The following MIR2052HG variants were observed in gnomAD, a reference collection of about 807,000 sequenced individuals.
The protein encoded by MIR2052HG is MIR2052 host gene.
intron 2 of MIR2052HG, among the ~76,000 whole-genome samples, chr8:74,622,611 TA>T (rs1808378050): frequency 6.7e-6 from 1 of 148,590 alleles, no homozygotes; most frequent in African/African-American, 2.5e-5. Flanking sequence ...CTCAAAAAAT[TA>T]GAAAAAAAAT....
At chr8:74,748,859 A>G (rs1809914168) in intron 4 of MIR2052HG, among the ~76,000 whole-genome samples, 1 of 152,162 alleles carries the variant, frequency 6.6e-6, no homozygotes, top group South Asian at 2.1e-4. Flanking sequence ...AAGGCCAGAT[A>G]TTGATGTTTC....
chr8:74,709,777 G>A (rs1285706540), intron 4 of MIR2052HG, among the ~76,000 whole-genome samples: 1 of 152,102 alleles, frequency 6.6e-6, no homozygotes, highest in African/African-American at 2.4e-5. Flanking sequence ...CTGAGTTCTG[G>A]CAATAAGACA....
chr8:74,653,541 A>T (rs1309373006), intron 2 of MIR2052HG, among the ~76,000 whole-genome samples: 1 of 152,216 alleles, frequency 6.6e-6, no homozygotes, highest in East Asian at 1.9e-4. Flanking sequence ...ATGTAAATAA[A>T]AGTTCTAACT....
intron 2 of MIR2052HG, among the ~76,000 whole-genome samples, chr8:74,697,271 C>G (rs1809308251): frequency 6.6e-6 from 1 of 152,140 alleles, no homozygotes; most frequent in African/African-American, 2.4e-5. Flanking sequence ...TTGACAAAAT[C>G]CAACATCCCT....
intron 5 of MIR2052HG, chr8:74,756,622 C>T (rs751891502): frequency 1.3e-5 from 2 of 152,188 alleles, no homozygotes; most frequent in Non-Finnish European, 2.9e-5. Flanking sequence ...ACAGCAAGAA[C>T]ACAGCAGAAC....
chr8:74,697,860 CACAA>C (rs1809314470), intron 2 of MIR2052HG, among the ~76,000 whole-genome samples: 1 of 152,130 alleles, frequency 6.6e-6, no homozygotes, highest in Non-Finnish European at 1.5e-5. Context: ...TCATAGACAA[CACAA>C]ACAAATTAAA....
chr8:74,717,351 G>C (rs1586922230), intron 4 of MIR2052HG, among the ~76,000 whole-genome samples: 1 of 152,130 alleles, frequency 6.6e-6, no homozygotes, highest in South Asian at 2.1e-4. Context: ...CTTTTTTATG[G>C]CTGCATAGTA....
At chr8:74,635,559 A>G (rs767980712) in intron 2 of MIR2052HG, among the ~76,000 whole-genome samples, 1 of 152,184 alleles carries the variant, frequency 6.6e-6, no homozygotes, top group Non-Finnish European at 1.5e-5. Flanking sequence ...GAGTCGAGGG[A>G]AATAAAGTTC....
chr8:74,635,210 C>G (rs1808567897), intron 2 of MIR2052HG, among the ~76,000 whole-genome samples: 2 of 151,316 alleles, frequency 1.3e-5, no homozygotes, highest in East Asian at 1.9e-4. Flanking sequence ...GTGCAAATCA[C>G]TATATTAGGT....
intron 4 of MIR2052HG, among the ~76,000 whole-genome samples, chr8:74,719,980 C>G (rs1386819140): frequency 1.3e-5 from 2 of 151,436 alleles, no homozygotes; most frequent in Non-Finnish European, 2.9e-5. Context: ...TCCCGAGTAG[C>G]TGGGACTACA....
rs556888542 is a variant in MIR2052HG, at chr8:74,686,097, AT to A, written n.217-16270del. Among the ~76,000 whole-genome samples, 1,350 of 143,210 alleles carry A rather than the reference AT, an allele frequency of 9.4e-3. 17 individuals carry two copies. Among genetic ancestry groups the A allele is most frequent in the African/African-American group, 0.027 (1,023 of 37,822 alleles). The allele number at this position is 143,210 out of a possible 152,430, so 94.0% of individuals were successfully genotyped here. Reference sequence around the variant, plus strand: ...TTATAAGGAAATTAAATCTCTGGAGATTTTTTTTTTTTCTTCAAAAAAAATT... The same window carrying A: ...TTATAAGGAAATTAAATCTCTGGAGATTTTTTTTTTTCTTCAAAAAAAATT... On this transcript the variant is annotated intron_variant and non_coding_transcript_variant, in intron 2 of 6. Transcript: ENST00000523442.
At chr8:74,601,374 A>T (rs1029172013) in intron 1 of MIR2052HG, among the ~76,000 whole-genome samples, 1 of 152,092 alleles carries the variant, frequency 6.6e-6, no homozygotes, top group African/African-American at 2.4e-5. Flanking sequence ...TGCCCATAAC[A>T]TAAGGGGTAG....
intron 2 of MIR2052HG, among the ~76,000 whole-genome samples, chr8:74,669,754 A>C (rs1808970460): frequency 6.6e-6 from 1 of 151,934 alleles, no homozygotes; most frequent in African/African-American, 2.4e-5. Context: ...TACTTTTTCT[A>C]TCTTCTCCTC....
At chr8:74,712,484 T>C (rs933554156) in intron 4 of MIR2052HG, among the ~76,000 whole-genome samples, 2 of 152,180 alleles carry the variant, frequency 1.3e-5, no homozygotes, top group Non-Finnish European at 2.9e-5. Context: ...ATATCTCTCT[T>C]GAGTAGGCAG....
chr8:74,671,746 A>G (rs1808994971), intron 2 of MIR2052HG, among the ~76,000 whole-genome samples: 1 of 152,156 alleles, frequency 6.6e-6, no homozygotes, highest in South Asian at 2.1e-4. Flanking sequence ...AAAGATAACA[A>G]AGCTTTGGTA....
intron 4 of MIR2052HG, among the ~76,000 whole-genome samples, chr8:74,744,239 T>C (rs1263796817): frequency 6.6e-6 from 1 of 151,786 alleles, no homozygotes; most frequent in Non-Finnish European, 1.5e-5. Flanking sequence ...AAAATCTTTT[T>C]TTAAATTTTT....
rs146915499 is a variant in MIR2052HG at position 74,736,154 on chromosome 8, G to A, written n.372-16287G>A. Among the ~76,000 whole-genome samples the A allele has an allele frequency of 8.5e-3, 1,300 of 152,198 alleles. 17 individuals carry two copies. Among genetic ancestry groups the A allele is most frequent in the African/African-American group, 0.029 (1,217 of 41,542 alleles). ...GATCTGTGAAACATTTCCAGTTTTAGAGACACAGTCCCTGAGTCCCTTGAC... is the reference window on the plus strand; with the variant it reads ...GATCTGTGAAACATTTCCAGTTTTAAAGACACAGTCCCTGAGTCCCTTGAC... On this transcript the variant is annotated intron_variant and non_coding_transcript_variant, in intron 4 of 6. Coordinates refer to ENST00000523442, the Ensembl canonical transcript of MIR2052HG.
chr8:74,750,285 C>G (rs1277307747), intron 4 of MIR2052HG, among the ~76,000 whole-genome samples: 1 of 152,100 alleles, frequency 6.6e-6, no homozygotes, highest in Non-Finnish European at 1.5e-5. Flanking sequence ...GAATATTTTA[C>G]TAGCAAATTA....
At chr8:74,700,611 A>T (rs552108412) in intron 2 of MIR2052HG, among the ~76,000 whole-genome samples, 7 of 152,264 alleles carry the variant, frequency 4.6e-5, no homozygotes, top group Admixed American at 2.0e-4. Flanking sequence ...TTCAGTTTTA[A>T]AAGTTTCTGC....
Sources: gnomAD v4.1 joint callset for allele counts (sites outside exome capture counted in the v4.1 genomes callset) on GRCh38, gnomAD v4.1.1 for gene constraint, MANE v1.5 for transcripts, NCBI Gene and HGNC (gene_info 2026-07-23, HGNC 2026-07-21) for gene names.